The following MAGI1 variants were observed in gnomAD, a reference collection of about 807,000 sequenced individuals.
MAGI1 encodes membrane associated guanylate kinase, WW and PDZ domain containing 1.
MAGI1 carries 58 observed loss-of-function variants against 139.9 expected under a neutral mutation model. The ratio of observed to expected loss-of-function variants is 0.41; its 90% CI spans 0.34 to 0.52. The LOEUF (loss-of-function observed/expected upper bound fraction) is 0.52. Ranked by LOEUF, MAGI1 falls within the 20% of genes least tolerant of loss-of-function variation. MAGI1 has a pLI of 0.12. For missense variants in MAGI1, 1,874 were observed against 1,901.6 expected (o/e 0.99, Z 0.27); for synonymous variants, 812 against 737.9 (o/e 1.10, Z -1.63).
chr3:65,694,676 G>A (rs777239375), intron 1 of MAGI1, among the ~76,000 whole-genome samples: 8 of 152,222 alleles, frequency 5.3e-5, no homozygotes, highest in Non-Finnish European at 7.3e-5. Flanking sequence ...GCTGCAAATA[G>A]TAGTGCCCAG....
chr3:65,470,452 GGA>G lies in MAGI1; in HGVS notation c.788_789del (p.Leu263ProfsTer10). ...ADSGEQEEHTLQETALPPVNS... is the reference protein window; with the variant it reads ...ADSGEQEEHTXQETALPPVNS... ...TTCACAGGTGGTAATGCTGTTTCTT[GGA>G]GAGTGTGCTCCTCTTGTTCACCAGA... On this transcript the variant is annotated frameshift_variant, in exon 5 of 23. Transcript: ENST00000402939. LOFTEE classifies it high-confidence loss of function. The G allele has an allele frequency of 1.2e-6, 2 of 1,613,482 alleles. No individual in the cohort carries two copies. The highest frequency in any genetic ancestry group is 1.7e-6 in the Non-Finnish European group (2 of 1,179,794).
chr3:65,550,392 C>T (rs1385064554), intron 2 of MAGI1, among the ~76,000 whole-genome samples: 1 of 152,134 alleles, frequency 6.6e-6, no homozygotes, highest in Non-Finnish European at 1.5e-5. Flanking sequence ...CTTCTAAGGC[C>T]AAGAGGGCAT....
intron 12 of MAGI1, among the ~76,000 whole-genome samples, chr3:65,427,505 G>A (rs1947139494): frequency 6.6e-6 from 1 of 152,156 alleles, no homozygotes; most frequent in African/African-American, 2.4e-5. Context: ...ATGAGAAAGA[G>A]GATAGATGAG....
At chr3:65,745,998 G>A (rs1229194210) in intron 1 of MAGI1, among the ~76,000 whole-genome samples, 1 of 152,108 alleles carries the variant, frequency 6.6e-6, no homozygotes, top group African/African-American at 2.4e-5. Flanking sequence ...CCAAAGTGCT[G>A]GGATTGCAGG....
chr3:65,903,641 T>A (rs2061327417), intron 1 of MAGI1, among the ~76,000 whole-genome samples: 1 of 152,206 alleles, frequency 6.6e-6, no homozygotes, highest in Non-Finnish European at 1.5e-5. Flanking sequence ...GTTTTGTTTT[T>A]ATCCTTGCCA....
At chr3:65,466,360 CT>C (rs1950174837) in intron 5 of MAGI1, among the ~76,000 whole-genome samples, 1 of 151,948 alleles carries the variant, frequency 6.6e-6, no homozygotes, top group Non-Finnish European at 1.5e-5. Context: ...GATCTTAAAC[CT>C]TCTATGGGCT....
rs116716223 is a variant in MAGI1 at position 65,854,627 on chromosome 3, G to A, written c.313+183369C>T. On this transcript the variant is annotated intron_variant, in intron 1 of 22. Coordinates refer to ENST00000402939, the MANE Select transcript of MAGI1 (RefSeq NM_001033057.2). Reference sequence around the variant, plus strand: ...TGCTGTTCTTACAAATACTACTCAAGGAAGTTTTGTTTGGAAGAATTTGAA... The same window carrying A: ...TGCTGTTCTTACAAATACTACTCAAAGAAGTTTTGTTTGGAAGAATTTGAA... Among the ~76,000 whole-genome samples, 541 of 152,336 alleles carry A rather than the reference G, an allele frequency of 3.6e-3. 7 individuals carry two copies. Among genetic ancestry groups the A allele is most frequent in the African/African-American group, 0.012 (519 of 41,580 alleles).
chr3:65,424,285 T>TGC (rs1197278388), intron 12 of MAGI1, among the ~76,000 whole-genome samples: 2 of 152,166 alleles, frequency 1.3e-5, no homozygotes, highest in African/African-American at 4.8e-5. Flanking sequence ...TTACAAAGTG[T>TGC]GCTTATAAAG....
chr3:65,868,842 T>G, intron 1 of MAGI1, among the ~76,000 whole-genome samples: 1 of 152,318 alleles, frequency 6.6e-6, no homozygotes, highest in East Asian at 1.9e-4. Context: ...TTCTGAATTC[T>G]TGACTTCTCG....
chr3:65,767,657 G>C (rs2037601100), intron 1 of MAGI1, among the ~76,000 whole-genome samples: 1 of 152,166 alleles, frequency 6.6e-6, no homozygotes, highest in South Asian at 2.1e-4. Context: ...GTTATGGACT[G>C]ATCTCCTGCA....
At chr3:65,684,167 C>CAAAA (rs1163089641) in intron 1 of MAGI1, among the ~76,000 whole-genome samples, 94 of 79,212 alleles carry the variant, frequency 1.2e-3, no homozygotes, top group Non-Finnish European at 1.6e-3. Context: ...GAGACTGTCT[C>CAAAA]AAAAAAAAAA....
At chr3:65,484,903 A>C (rs1575960054) in intron 3 of MAGI1, among the ~76,000 whole-genome samples, 1 of 152,240 alleles carries the variant, frequency 6.6e-6, no homozygotes, top group East Asian at 1.9e-4. Flanking sequence ...TGTTTAATTA[A>C]TCAGTACCTG....
At chr3:65,405,617 C>T (rs1945270027) in intron 12 of MAGI1, among the ~76,000 whole-genome samples, 1 of 150,698 alleles carries the variant, frequency 6.6e-6, no homozygotes, top group South Asian at 2.1e-4. Context: ...TTTTTTTGGA[C>T]AGAGTCTCCT....
chr3:65,360,846 A>T (rs1456545091), intron 22 of MAGI1: 2 of 1,115,066 alleles, frequency 1.8e-6, no homozygotes, highest in African/African-American at 3.2e-5. Flanking sequence ...CCTGCTTCTT[A>T]AAAGGAGTAT....
chr3:65,388,966 C>T (rs183011559), intron 14 of MAGI1, among the ~76,000 whole-genome samples: 35 of 150,926 alleles, frequency 2.3e-4, no homozygotes, highest in Admixed American at 7.3e-4. Context: ...GCCTCAGCCT[C>T]CCGAGTAGCT....
At chr3:65,574,247 A>G (rs1156455148) in intron 2 of MAGI1, among the ~76,000 whole-genome samples, 1 of 151,078 alleles carries the variant, frequency 6.6e-6, no homozygotes, top group Admixed American at 6.6e-5. Context: ...ATATGTATAT[A>G]TATATACATA....
chr3:65,979,024 T>G (rs1182911243), intron 1 of MAGI1, among the ~76,000 whole-genome samples: 1 of 151,744 alleles, frequency 6.6e-6, no homozygotes, highest in Non-Finnish European at 1.5e-5. Context: ...CTCACTCACG[T>G]TTTTTTAAAA....
At chr3:65,716,227 G>C (rs746558822) in intron 1 of MAGI1, among the ~76,000 whole-genome samples, 7 of 152,168 alleles carry the variant, frequency 4.6e-5, no homozygotes, top group African/African-American at 7.2e-5. Flanking sequence ...GTTTCACACA[G>C]AGAATGATAC....
intron 1 of MAGI1, among the ~76,000 whole-genome samples, chr3:65,661,340 G>T (rs1409975695): frequency 2.0e-5 from 3 of 152,058 alleles, no homozygotes; most frequent in African/African-American, 7.2e-5. Flanking sequence ...TTTGGAAGTG[G>T]CACCTTATTA....
Sources: gnomAD v4.1 joint callset for allele counts (sites outside exome capture counted in the v4.1 genomes callset) on GRCh38, gnomAD v4.1.1 for gene constraint, MANE v1.5 for transcripts, NCBI Gene and HGNC (gene_info 2026-07-23, HGNC 2026-07-21) for gene names.